TRPC4: variants seen among roughly 807,000 people sequenced by gnomAD.
The protein encoded by TRPC4 is short transient receptor potential channel 4.
Under a neutral mutation model 99.4 loss-of-function variants are expected in TRPC4, and 49 were observed. That is an observed-to-expected ratio of 0.49 (90% CI 0.39 to 0.63). TRPC4 has a LOEUF of 0.63. TRPC4 is among the 20% of genes least tolerant of loss of function. TRPC4 has a pLI of 0.00. For synonymous variants in TRPC4, 454 were observed against 425.9 expected (o/e 1.07, Z -0.81); for missense variants, 898 against 1,152.9 (o/e 0.78, Z 3.20).
At chr13:37,830,783 ATATATAG>A (rs1482459173) in intron 1 of TRPC4, among the ~76,000 whole-genome samples, 2 of 123,430 alleles carry the variant, frequency 1.6e-5, no homozygotes, top group Non-Finnish European at 3.3e-5. Flanking sequence ...CATTTATATA[ATATATAG>A]TATATATTTT....
In TRPC4 at chr13:37,692,108, A is replaced by T; in HGVS notation, c.1125T>A (p.Thr375=). ...AGGCAAGCAGCAGCAGGAACAAAAA[A>T]GTCAAATAGGAGGCTGTGTGGCAGA... The part of the protein sequence containing the change: ...KFICHTASYL[T]FLFLLLLASQ... Residue 375 remains threonine, a synonymous_variant, in exon 4 of 11, where the codon ACT becomes ACA. Coordinates refer to ENST00000379705, the MANE Select transcript of TRPC4 (RefSeq NM_016179.4). 1 of 1,614,196 alleles carries T rather than the reference A, an allele frequency of 6.2e-7. No homozygotes were observed. The highest frequency in any genetic ancestry group is 1.1e-5 in the South Asian group (1 of 91,084).
chr13:37,703,476 TATA>T (rs1954169715), intron 3 of TRPC4, among the ~76,000 whole-genome samples: 1 of 151,932 alleles, frequency 6.6e-6, no homozygotes, highest in South Asian at 2.1e-4. Context: ...ATTAACCAAA[TATA>T]ATAATGAGGA....
At chr13:37,758,492 G>C (rs1352319064) in intron 2 of TRPC4, among the ~76,000 whole-genome samples, 4 of 151,614 alleles carry the variant, frequency 2.6e-5, no homozygotes, top group Non-Finnish European at 5.9e-5. Flanking sequence ...TTAGAAATAA[G>C]ATGGAAATGT....
intron 2 of TRPC4, among the ~76,000 whole-genome samples, chr13:37,754,035 T>C (rs1362233468): frequency 6.6e-6 from 1 of 152,140 alleles, no homozygotes; most frequent in Non-Finnish European, 1.5e-5. Context: ...GGGACTCTGG[T>C]TGACTGCAGC....
intron 3 of TRPC4, among the ~76,000 whole-genome samples, chr13:37,725,708 T>C (rs1024319987): frequency 7.2e-5 from 11 of 152,128 alleles, no homozygotes; most frequent in East Asian, 1.9e-4. Flanking sequence ...ATGTCAATCA[T>C]ACCTCAAGAA....
chr13:37,655,096 G>T lies in TRPC4; in HGVS notation c.1876C>A (p.Leu626Met), dbSNP rs1458776302. Reference sequence around the variant, plus strand: ...AAAGCTGGTCAACTTACAGCAATCAGTTGGTAAGAATTATTCATCATAGCT... The same window carrying T: ...AAAGCTGGTCAACTTACAGCAATCATTTGGTAAGAATTATTCATCATAGCT... ...LIAMMNNSYQ[L>M]IADHADIEWK... The change falls in exon 7 of 11, where the codon CTG becomes ATG. Residue 626 changes from leucine (L) to methionine (M), a missense_variant. Around this residue, in one of 3 missense-constraint regions of TRPC4, gnomAD observed 274 missense variants for 454.9 expected, o/e 0.60. Transcript: ENST00000379705. The T allele has an allele frequency of 1.3e-6, 2 of 1,534,096 alleles. No homozygotes were observed. The highest frequency in any genetic ancestry group is 1.8e-6 in the Non-Finnish European group (2 of 1,135,042).
intron 1 of TRPC4, among the ~76,000 whole-genome samples, chr13:37,820,292 T>A (rs1317332633): frequency 1.3e-5 from 2 of 152,060 alleles, no homozygotes; most frequent in East Asian, 3.9e-4. Context: ...GGAAATTGAA[T>A]CAGTAATAAA....
chr13:37,812,197 C>CAAAAAAAAAAAAAAAAAAAAAAAAAAAAA (rs1156963631), intron 1 of TRPC4, among the ~76,000 whole-genome samples: 132 of 111,162 alleles, frequency 1.2e-3, no homozygotes, highest in East Asian at 1.8e-3. Flanking sequence ...AAAAAAAAAC[C>CAAAAAAAAAAAAAAAAAAAAAAAAAAAAA]AGGAGATCTA....
intron 3 of TRPC4, among the ~76,000 whole-genome samples, chr13:37,723,413 AT>A (rs1041885629): frequency 2.6e-5 from 4 of 152,216 alleles, no homozygotes; most frequent in African/African-American, 7.2e-5. Flanking sequence ...AATGAAAAAA[AT>A]ATATATGTTA....
At chr13:37,735,396 A>G (rs11841376) in intron 3 of TRPC4, among the ~76,000 whole-genome samples, 4,715 of 152,210 alleles carry the variant, frequency 0.031, 247 homozygotes, top group African/African-American at 0.11. Context: ...TAAGGCCGCA[A>G]CTCTAAAAGC....
chr13:37,715,425 G>A (rs1464744076), intron 3 of TRPC4, among the ~76,000 whole-genome samples: 2 of 152,172 alleles, frequency 1.3e-5, no homozygotes, highest in Non-Finnish European at 2.9e-5. Context: ...AGACTCCAGA[G>A]CCAGAAAGAT....
In TRPC4 at chr13:37,732,161, G is replaced by C. The variant is rs140897636; in HGVS notation, c.897+13776C>G. Among the ~76,000 whole-genome samples, 279 of 152,222 alleles carry C rather than the reference G, an allele frequency of 1.8e-3. 1 individual carries two copies. The highest frequency in any genetic ancestry group is 3.3e-3 in the Non-Finnish European group (221 of 67,980). On this transcript the variant is annotated intron_variant, in intron 3 of 10. Transcript: ENST00000379705. ...AGTTCTTGGATTCAAGGAGCTCAGA[G>C]TCTCATGAAGGGGAGAGACCTAAAA...
intron 3 of TRPC4, among the ~76,000 whole-genome samples, chr13:37,734,983 A>C (rs1955352594): frequency 6.6e-6 from 1 of 152,106 alleles, no homozygotes; most frequent in African/African-American, 2.4e-5. Context: ...GTGAAACAAA[A>C]ACCACAGAGC....
intron 3 of TRPC4, among the ~76,000 whole-genome samples, chr13:37,710,302 A>T (rs1566113175): frequency 6.6e-6 from 1 of 151,956 alleles, no homozygotes; most frequent in Non-Finnish European, 1.5e-5. Context: ...GTATAAACAA[A>T]ATAAATGTTG....
intron 3 of TRPC4, among the ~76,000 whole-genome samples, chr13:37,720,295 C>T (rs1462826183): frequency 1.3e-5 from 2 of 152,076 alleles, no homozygotes; most frequent in Non-Finnish European, 2.9e-5. Context: ...CATTGAAATT[C>T]TGAAAGCAAC....
At chr13:37,793,861 T>C (rs1193646725) in intron 1 of TRPC4, among the ~76,000 whole-genome samples, 2 of 152,112 alleles carry the variant, frequency 1.3e-5, no homozygotes, top group African/African-American at 4.8e-5. Flanking sequence ...AAATACCTCC[T>C]TCCAGGAACT....
chr13:37,650,177 C>T (rs1374624626), intron 8 of TRPC4, among the ~76,000 whole-genome samples: 1 of 152,104 alleles, frequency 6.6e-6, no homozygotes, highest in African/African-American at 2.4e-5. Flanking sequence ...CTTAGGGCAT[C>T]GCAGTCACAA....
chr13:37,731,102 C>T (rs1215760389), intron 3 of TRPC4, among the ~76,000 whole-genome samples: 1 of 151,920 alleles, frequency 6.6e-6, no homozygotes, highest in Non-Finnish European at 1.5e-5. Context: ...TAATACACAA[C>T]ATGTTAGATT....
At chr13:37,792,419 T>A (rs1422644902) in intron 1 of TRPC4, among the ~76,000 whole-genome samples, 1 of 152,158 alleles carries the variant, frequency 6.6e-6, no homozygotes, top group Non-Finnish European at 1.5e-5. Flanking sequence ...ATATACGATG[T>A]AAAAACAAGA....
Sources: allele counts gnomAD v4.1 joint callset (sites outside exome capture counted in the v4.1 genomes callset), GRCh38; gene constraint gnomAD v4.1.1; regional missense constraint gnomAD v4.1.1; transcripts MANE v1.5; gene names NCBI Gene and HGNC (gene_info 2026-07-23, HGNC 2026-07-21).